The following AOAH variants were observed in gnomAD, a reference collection of about 807,000 sequenced individuals.
The protein encoded by AOAH is acyloxyacyl hydrolase (neutrophil).
In AOAH, 64 loss-of-function variants were observed where a neutral mutation model predicts 92.2. That is an observed-to-expected ratio of 0.69 (90% CI 0.57 to 0.86). AOAH has a LOEUF of 0.86. Among genes scored for constraint, AOAH ranks in the 40% least tolerant of loss-of-function variants. The pLI, the probability that AOAH is intolerant of heterozygous loss-of-function variation, is 0.00. For synonymous variants in AOAH, 263 were observed against 254.5 expected, an observed-to-expected ratio of 1.03 and a Z score of -0.32; for missense variants, 656 against 694.6, an observed-to-expected ratio of 0.94 and a Z score of 0.62.
intron 12 of AOAH, among the ~76,000 whole-genome samples, chr7:36,590,756 G>A (rs922963300): frequency 1.3e-5 from 2 of 152,250 alleles, no homozygotes; most frequent in African/African-American, 2.4e-5. Flanking sequence ...CAAAGGGCAT[G>A]TGCCCAAAAT....
At chr7:36,638,099 T>A (rs1436568796) in intron 4 of AOAH, among the ~76,000 whole-genome samples, 189 bp from the exon 5 acceptor site, 1 of 152,240 alleles carries the variant, frequency 6.6e-6, no homozygotes, top group East Asian at 1.9e-4. Context: ...CTTTGCTTTG[T>A]GTCAGATGCA....
Position 36,576,630 on chromosome 7 carries a change from C to T in AOAH, c.965G>A (p.Arg322His), listed in dbSNP as rs375296715. Residue 322 changes from arginine (R) to histidine (H), a missense_variant, in exon 13 of 21, where the codon CGC becomes CAC. Transcript: ENST00000617537. The part of the protein sequence containing the change: ...VGIKEKSIYL[R>H]LWKRNHCNHR... ...ATTACAGTGGTTTCTTTTCCATAAG[C>T]GAAGGTAAATAGATTTTTCTTTAAT... is the stretch of plus-strand genomic sequence containing the variant. 20 of 1,570,262 alleles carry T rather than the reference C, an allele frequency of 1.3e-5. No individual in the cohort carries two copies. The highest frequency in any genetic ancestry group is 4.6e-5 in the East Asian group (2 of 43,718).
At chr7:36,652,207 T>C (rs1794620110) in intron 4 of AOAH, among the ~76,000 whole-genome samples, 1 of 151,134 alleles carries the variant, frequency 6.6e-6, no homozygotes, top group African/African-American at 2.4e-5. Context: ...AAAAAAAAAA[T>C]AGGACAGAGG....
At chr7:36,630,534 G>A (rs140939424) in intron 6 of AOAH, among the ~76,000 whole-genome samples, 251 of 152,262 alleles carry the variant, frequency 1.6e-3, no homozygotes, top group Admixed American at 2.0e-3. Context: ...CAATGGGGTG[G>A]ACATGGACAC....
chr7:36,589,844 T>C (rs1789620331), intron 12 of AOAH, among the ~76,000 whole-genome samples: 1 of 152,230 alleles, frequency 6.6e-6, no homozygotes, highest in South Asian at 2.1e-4. Flanking sequence ...ATTAGATCTT[T>C]GGTTTCTTTA....
chr7:36,635,651 G>A (rs751688117), intron 5 of AOAH, among the ~76,000 whole-genome samples: 1 of 152,298 alleles, frequency 6.6e-6, no homozygotes, highest in East Asian at 1.9e-4. Flanking sequence ...CGCATAGCCT[G>A]TGACGTAAAT....
intron 19 of AOAH, among the ~76,000 whole-genome samples, chr7:36,529,418 G>C (rs563135268): frequency 9.2e-5 from 14 of 152,324 alleles, no homozygotes; most frequent in Non-Finnish European, 1.8e-4. Flanking sequence ...CCCCACGAGA[G>C]AAATGTGTAT....
chr7:36,608,493 GAAAT>G (rs1469930390), intron 11 of AOAH, among the ~76,000 whole-genome samples: 6 of 152,218 alleles, frequency 3.9e-5, no homozygotes, highest in Admixed American at 2.6e-4. Context: ...AATGTAGATA[GAAAT>G]AAATAGTCCA....
intron 12 of AOAH, among the ~76,000 whole-genome samples, chr7:36,589,458 C>T (rs1789591385): frequency 6.6e-6 from 1 of 152,164 alleles, no homozygotes; most frequent in South Asian, 2.1e-4. Flanking sequence ...TCTTGAGGTA[C>T]AGGCTAGTTA....
intron 16 of AOAH, among the ~76,000 whole-genome samples, chr7:36,534,501 CTG>C (rs1313858117): frequency 2.6e-5 from 4 of 152,142 alleles, no homozygotes; most frequent in Admixed American, 2.6e-4. Context: ...GGTAGGGACT[CTG>C]GGGCTGGTCA....
At chr7:36,682,054 G>A (rs1796680253) in intron 2 of AOAH, among the ~76,000 whole-genome samples, 1 of 152,220 alleles carries the variant, frequency 6.6e-6, no homozygotes, top group Non-Finnish European at 1.5e-5. Flanking sequence ...CAGAAAGCAT[G>A]GCAGGCCAAT....
At position 36,536,083 on chromosome 7, in the gene AOAH, TG is replaced by T. The variant is rs1175010331; in HGVS notation, c.1307-3740del. ...TGCGAGGAGAGATTCGTCACCCCCT[TG>T]TCCCTGGCAGGAGTGAGACACCCAC... is the stretch of plus-strand genomic sequence containing the variant. On this transcript the variant is annotated intron_variant, in intron 16 of 20. Coordinates refer to ENST00000617537, the MANE Select transcript of AOAH (RefSeq NM_001637.4). Among the ~76,000 whole-genome samples, 36 of 152,288 alleles carry T rather than the reference TG, an allele frequency of 2.4e-4. No individual in the cohort carries two copies. The East Asian group carries it at 6.6e-3, about 28-fold the overall frequency.
chr7:36,664,553 C>A (rs1448983039), intron 3 of AOAH, among the ~76,000 whole-genome samples: 1 of 152,126 alleles, frequency 6.6e-6, no homozygotes, highest in African/African-American at 2.4e-5. Flanking sequence ...AGTATCAGTC[C>A]TCCAGCTTTG....
chr7:36,704,149 T>G (rs544435325), intron 1 of AOAH, among the ~76,000 whole-genome samples: 1 of 152,328 alleles, frequency 6.6e-6, no homozygotes, highest in African/African-American at 2.4e-5. Context: ...ATAAATGTCT[T>G]CTTTTGAAAA....
At position 36,690,592 on chromosome 7, in the gene AOAH, CA is replaced by C. The variant is rs576667945; in HGVS notation, c.128-3799del. ...GATGCACGGGCAGAGTAATTCCTCC[CA>C]TTACAGACTATTCTCTGGCTGCTAA... On this transcript the variant is annotated intron_variant, in intron 1 of 20. Transcript: ENST00000617537. Among the ~76,000 whole-genome samples the C allele has an allele frequency of 7.9e-5, 12 of 152,294 alleles. No homozygotes were observed. The East Asian group carries it at 2.3e-3, about 29-fold the overall frequency.
chr7:36,595,230 G>A (rs1248701704), intron 11 of AOAH, among the ~76,000 whole-genome samples: 1 of 152,148 alleles, frequency 6.6e-6, no homozygotes. Context: ...GCCAGATTTA[G>A]CAAATAAAAA....
chr7:36,656,310 A>G (rs923895879), intron 4 of AOAH, among the ~76,000 whole-genome samples: 3 of 152,210 alleles, frequency 2.0e-5, no homozygotes, highest in Admixed American at 1.3e-4. Flanking sequence ...TACGACATTC[A>G]AGGATAGAGT....
At position 36,532,330 on chromosome 7, in the gene AOAH, CTTTA is replaced by C. The variant is rs761090899; in HGVS notation, c.1317_1320del (p.Asn439LysfsTer3). 1 of 1,613,850 alleles carries C rather than the reference CTTTA, an allele frequency of 6.2e-7. No individual in the cohort carries two copies. Among genetic ancestry groups the C allele is most frequent in the South Asian group, 1.1e-5 (1 of 91,054 alleles). The stretch of plus-strand genomic sequence containing the variant: ...GAGTACAACTGCGCATAGGTCATGT[CTTTA>C]TTTAGCTGGCCTGGAAAACAGAGAG... On this transcript the variant is annotated frameshift_variant, in exon 17 of 21. Transcript: ENST00000617537. LOFTEE classifies it high-confidence loss of function.
chr7:36,512,953 A>T lies in AOAH; in HGVS notation c.*299T>A. On this transcript the variant is annotated 3_prime_UTR_variant, in exon 21 of 21. Transcript: ENST00000617537. Reference sequence around the variant, plus strand: ...TCGCTGGACTTAAGTGTTTTTAGAAACTCCTTTTAGAACAATTAGCTGTAA... The same window carrying T: ...TCGCTGGACTTAAGTGTTTTTAGAATCTCCTTTTAGAACAATTAGCTGTAA... The T allele has an allele frequency of 8.1e-7, 1 of 1,227,862 alleles. No homozygotes were observed. The highest frequency in any genetic ancestry group is 1.1e-6 in the Non-Finnish European group (1 of 894,598). 76.1% of individuals were successfully genotyped at this position (1,227,862 alleles called of 1,614,324 possible). A position where few individuals can be genotyped will look rare whatever the true frequency, so the allele number is the denominator to read the frequency against.
Sources: gnomAD v4.1 joint callset for allele counts (sites outside exome capture counted in the v4.1 genomes callset) on GRCh38, gnomAD v4.1.1 for gene constraint, MANE v1.5 for transcripts, NCBI Gene and HGNC (gene_info 2026-07-23, HGNC 2026-07-21) for gene names.